The following TMBIM6 variants were observed in gnomAD, a reference collection of about 807,000 sequenced individuals.
TMBIM6 encodes the protein bax inhibitor 1.
Under a neutral mutation model 31.4 loss-of-function variants are expected in TMBIM6, and 13 were observed. The ratio of observed to expected loss-of-function variants is 0.41; its 90% CI spans 0.27 to 0.66. TMBIM6 has a LOEUF of 0.66. Among genes scored for constraint, TMBIM6 ranks in the 30% least tolerant of loss-of-function variants. TMBIM6 has a pLI of 0.28. For missense variants in TMBIM6, 275 were observed against 289.5 expected (o/e 0.95, Z 0.36); for synonymous variants, 85 against 101.7 (o/e 0.84, Z 0.99).
chr12:49,755,105 G>C (rs1194026221), intron 3 of TMBIM6, among the ~76,000 whole-genome samples: 1 of 152,068 alleles, frequency 6.6e-6, no homozygotes, highest in Non-Finnish European at 1.5e-5. Context: ...TTACAGGCGT[G>C]TGCCACCATG....
rs567189440 is a variant in TMBIM6, at chr12:49,764,686, A to G, written c.*1790A>G. 9.9e-5 allele frequency: 15 copies of G among 151,328 alleles called. No homozygotes were observed. In the South Asian group the frequency reaches 3.1e-3, roughly 32 times the overall value. 9.4% of individuals were successfully genotyped at this position (151,328 alleles called of 1,614,324 possible). On this transcript the variant is annotated 3_prime_UTR_variant, in exon 10 of 10. Coordinates refer to ENST00000267115, the MANE Select transcript of TMBIM6 (RefSeq NM_003217.3). ...GGGATAATGGAGTTTTTCTTTAGAA[A>G]CAGTGCCAAGAATGACAAGATATTA...
chr12:49,752,854 A>C, intron 2 of TMBIM6, 119 bp from the exon 3 acceptor site: 1 of 962,310 alleles, frequency 1.0e-6, no homozygotes, highest in Non-Finnish European at 1.6e-6. Context: ...AAGTATTTCA[A>C]ACTATTTGTA....
At chr12:49,742,559 G>A (rs999788044) in intron 1 of TMBIM6, 1 of 305,850 alleles carries the variant, frequency 3.3e-6, no homozygotes, top group Non-Finnish European at 6.0e-6. Context: ...GTGTAACCCA[G>A]TAGAAGGGCT....
Position 49,762,893 on chromosome 12 carries a change from A to G in TMBIM6, c.711A>G (p.Lys237=), listed in dbSNP as rs763273442. The change falls in exon 10 of 10, where the codon AAA becomes AAG. Residue 237 remains lysine, a synonymous_variant. Transcript: ENST00000267115. ...MNEKDKKKEK[K] Reference sequence around the variant, plus strand: ...TCTAGGATAAGAAGAAAGAGAAGAAATGAAGTGACCATCCAGCCTTTCCCA... The same window carrying G: ...TCTAGGATAAGAAGAAAGAGAAGAAGTGAAGTGACCATCCAGCCTTTCCCA... The G allele has an allele frequency of 6.2e-6, 10 of 1,612,826 alleles. No homozygotes were observed. The highest frequency in any genetic ancestry group is 7.6e-6 in the Non-Finnish European group (9 of 1,179,072).
chr12:49,752,852 C>A, intron 2 of TMBIM6, 121 bp from the exon 3 acceptor site: 2 of 950,112 alleles, frequency 2.1e-6, no homozygotes, highest in Non-Finnish European at 3.1e-6. Flanking sequence ...AAAAGTATTT[C>A]AAACTATTTG....
chr12:49,758,676 C>G lies in TMBIM6; in HGVS notation c.434-7C>G, dbSNP rs751295234. On this transcript the variant is annotated splice_region_variant and splice_polypyrimidine_tract_variant and intron_variant, in intron 6 of 9. Coordinates refer to ENST00000267115, the MANE Select transcript of TMBIM6 (RefSeq NM_003217.3). ...CTCTCAAGACAGCTTTTTGCTGTGT[C>G]TTATAGGTATCTTGATGTCAGCCCT... 2 of 1,613,894 alleles carry G rather than the reference C, an allele frequency of 1.2e-6. No individual in the cohort carries two copies. Among genetic ancestry groups the G allele is most frequent in the Non-Finnish European group, 1.7e-6 (2 of 1,179,960 alleles).
intron 1 of TMBIM6, chr12:49,741,939 C>T (rs993151241): frequency 9.0e-6 from 7 of 777,820 alleles, no homozygotes; most frequent in African/African-American, 9.0e-5. Flanking sequence ...CCCGCTCCTT[C>T]TCCTCTACTA....
intron 1 of TMBIM6, among the ~76,000 whole-genome samples, chr12:49,749,171 G>A (rs1444414047): frequency 1.3e-5 from 2 of 152,190 alleles, no homozygotes; most frequent in Non-Finnish European, 2.9e-5. Context: ...GGCAAAACTT[G>A]TCAGAACAGT....
Position 49,761,755 on chromosome 12 carries a change from G to A in TMBIM6, c.666G>A (p.Met222Ile). Residue 222 changes from methionine to isoleucine, a missense_variant, in exon 9 of 10, where the codon ATG becomes ATA. Coordinates refer to ENST00000267115, the MANE Select transcript of TMBIM6 (RefSeq NM_003217.3). ...LDFITVFRKL[M>I]MILAMNEKDK... is the part of the protein sequence containing the mutation. ...TCATTACTGTCTTCAGAAAACTCAT[G>A]ATGATCCTGGCCATGAATGAAAAGG... 6.2e-7 allele frequency: 1 copy of A among 1,614,238 alleles called. No homozygotes were observed. Among genetic ancestry groups the A allele is most frequent in the Non-Finnish European group, 8.5e-7 (1 of 1,180,038 alleles).
intron 1 of TMBIM6, chr12:49,744,624 T>C (rs1204633487): frequency 6.6e-6 from 1 of 152,166 alleles, no homozygotes; most frequent in Non-Finnish European, 1.5e-5. Flanking sequence ...CTAAATTTGC[T>C]CTAGAGACTT....
intron 7 of TMBIM6, 126 bp from the exon 8 acceptor site, chr12:49,759,095 G>C: frequency 1.2e-6 from 1 of 807,046 alleles, no homozygotes. Context: ...CAGTTCTCGT[G>C]AATGGTAATG....
chr12:49,742,381 T>G, intron 1 of TMBIM6: 1 of 1,430,712 alleles, frequency 7.0e-7, no homozygotes, highest in Non-Finnish European at 9.3e-7. Flanking sequence ...TGGGCCTACT[T>G]GCTGGACCTG....
At chr12:49,758,818 CTT>C (rs57007895) in intron 7 of TMBIM6, 56 bp downstream of exon 7, 33,884 of 1,091,202 alleles carry the variant, frequency 0.031, no homozygotes, top group South Asian at 0.034. Context: ...TCTTTCTTTC[CTT>C]TTTTTTTTTT....
rs112133089 is a variant in TMBIM6, at chr12:49,763,105, CCTCA to C, written c.*213_*216del. 0.025 allele frequency: 11,834 copies of C among 479,956 alleles called. 254 individuals are homozygous for C. Among genetic ancestry groups the C allele is most frequent in the African/African-American group, 0.057 (2,959 of 51,832 alleles). The allele number at this position is 479,956 out of a possible 1,614,324, so 29.7% of individuals were successfully genotyped here. A position where few individuals can be genotyped will look rare whatever the true frequency, so the allele number is the denominator to read the frequency against. On this transcript the variant is annotated 3_prime_UTR_variant, in exon 10 of 10. Transcript: ENST00000267115. The stretch of plus-strand genomic sequence containing the variant: ...TTTGGCTTCATCTTCCTGGGGTTCC[CCTCA>C]CTCCCTTTTTTGTCAACCCCATCTG...
chr12:49,750,728 G>A (rs1945479391), intron 1 of TMBIM6: 1 of 152,256 alleles, frequency 6.6e-6, no homozygotes, highest in Admixed American at 6.5e-5. Context: ...GTTAATGAGA[G>A]AAGGAAAGAA....
chr12:49,742,457 C>G (rs1945315136), intron 1 of TMBIM6: 2 of 859,550 alleles, frequency 2.3e-6, no homozygotes, highest in Non-Finnish European at 3.3e-6. Flanking sequence ...CCGGTGCCAG[C>G]CCGGGCTGCT....
At position 49,763,167 on chromosome 12, in the gene TMBIM6, C is replaced by A; in HGVS notation, c.*271C>A. 2.9e-6 allele frequency: 1 copy of A among 345,344 alleles called. No individual in the cohort carries two copies. Among genetic ancestry groups the A allele is most frequent in the Non-Finnish European group, 5.4e-6 (1 of 184,320 alleles). 21.4% of individuals were successfully genotyped at this position (345,344 alleles called of 1,614,324 possible). A position where few individuals can be genotyped will look rare whatever the true frequency, so the allele number is the denominator to read the frequency against. On this transcript the variant is annotated 3_prime_UTR_variant, in exon 10 of 10. Coordinates refer to ENST00000267115, the MANE Select transcript of TMBIM6 (RefSeq NM_003217.3). ...TTCCTCTACTCAGGCAGTCGACCCG[C>A]CACGATGAGAAGTGGGACCAGCAGA...
At position 49,755,726 on chromosome 12, in the gene TMBIM6, G is replaced by A; in HGVS notation, c.257G>A (p.Gly86Glu). Residue 86 changes from glycine to glutamate, a missense_variant, in exon 4 of 10, where the codon GGA becomes GAA. Transcript: ENST00000267115. ...HSHETEQKRL[G>E]LLAGFAFLTG... is the part of the protein sequence containing the mutation. ...CATGAAACTGAACAGAAAAGACTGG[G>A]ACTTCTTGCTGGATTTGCATTCCTT... is the stretch of plus-strand genomic sequence containing the variant. The A allele has an allele frequency of 6.2e-7, 1 of 1,613,994 alleles. No homozygotes were observed. Among genetic ancestry groups the A allele is most frequent in the Middle Eastern group, 1.7e-4 (1 of 6,056 alleles).
chr12:49,748,794 G>C (rs1945441488), intron 1 of TMBIM6, among the ~76,000 whole-genome samples: 1 of 152,172 alleles, frequency 6.6e-6, no homozygotes, highest in Middle Eastern at 3.2e-3. Flanking sequence ...TAAGTAATAG[G>C]CTTAGAGGTG....
Sources: allele counts gnomAD v4.1 joint callset (sites outside exome capture counted in the v4.1 genomes callset), GRCh38; gene constraint gnomAD v4.1.1; transcripts MANE v1.5; gene names NCBI Gene and HGNC (gene_info 2026-07-23, HGNC 2026-07-21).